Variants in EBF2 observed in about 807,000 individuals in gnomAD.
EBF2 encodes the protein EBF transcription factor 2.
EBF2 carries 21 observed loss-of-function variants against 72.8 expected under a neutral mutation model. That is an observed-to-expected ratio of 0.29 (90% CI 0.20 to 0.42). The LOEUF is 0.42. EBF2 is among the 10% of genes least tolerant of loss of function. EBF2 has a pLI of 1.00. For synonymous variants in EBF2, 299 were observed against 274.2 expected (o/e 1.09, Z -0.89); for missense variants, 637 against 731.2 (o/e 0.87, Z 1.49).
chr8:25,886,549 C>T (rs1312068514), intron 10 of EBF2, among the ~76,000 whole-genome samples: 1 of 151,964 alleles, frequency 6.6e-6, no homozygotes, highest in Non-Finnish European at 1.5e-5. Context: ...GCTGTGATCT[C>T]CCAGATCATG....
chr8:25,869,655 G>T (rs917091294), intron 10 of EBF2, among the ~76,000 whole-genome samples: 1 of 152,136 alleles, frequency 6.6e-6, no homozygotes, highest in African/African-American at 2.4e-5. Context: ...TGTTTAAGTA[G>T]AATTATTCTG....
At chr8:25,967,047 A>T (rs1804126391) in intron 6 of EBF2, among the ~76,000 whole-genome samples, 1 of 152,228 alleles carries the variant, frequency 6.6e-6, no homozygotes, top group Non-Finnish European at 1.5e-5. Context: ...GAGAGAAGGA[A>T]GCTAATGAAT....
chr8:25,866,346 T>A (rs952794619), intron 10 of EBF2, among the ~76,000 whole-genome samples: 9 of 150,130 alleles, frequency 6.0e-5, no homozygotes, highest in Non-Finnish European at 1.5e-5. Context: ...CATGGTTCAA[T>A]AAGGGTTCAA....
intron 6 of EBF2, among the ~76,000 whole-genome samples, chr8:26,016,598 C>A (rs1023975187): frequency 1.3e-5 from 2 of 152,182 alleles, no homozygotes; most frequent in African/African-American, 4.8e-5. Flanking sequence ...GGTGAGATTT[C>A]ACCTTATTTA....
chr8:25,887,545 C>T (rs929038815), intron 9 of EBF2, among the ~76,000 whole-genome samples: 11 of 151,948 alleles, frequency 7.2e-5, no homozygotes, highest in Non-Finnish European at 1.0e-4. Context: ...GCAGTGTTGT[C>T]CTTGTTTTTT....
intron 6 of EBF2, among the ~76,000 whole-genome samples, chr8:25,977,961 GC>G (rs1804295579): frequency 6.6e-6 from 1 of 152,250 alleles, no homozygotes; most frequent in South Asian, 2.1e-4. Flanking sequence ...TTTGACTTGA[GC>G]TTTACTGCAA....
chr8:25,938,099 C>T (rs78835835), intron 6 of EBF2, among the ~76,000 whole-genome samples: 2,532 of 152,118 alleles, frequency 0.017, 58 homozygotes, highest in African/African-American at 0.057. Flanking sequence ...AGGGTGGGCT[C>T]GCTGGGGTGT....
At chr8:25,896,060 T>C (rs1201896484) in intron 7 of EBF2, among the ~76,000 whole-genome samples, 1 of 152,104 alleles carries the variant, frequency 6.6e-6, no homozygotes, top group Non-Finnish European at 1.5e-5. Flanking sequence ...CTTTTTCAGC[T>C]CCTACCCAGG....
At chr8:25,947,588 C>T (rs960094038) in intron 6 of EBF2, among the ~76,000 whole-genome samples, 5 of 152,208 alleles carry the variant, frequency 3.3e-5, no homozygotes, top group Non-Finnish European at 7.4e-5. Flanking sequence ...CTTTGCTTGG[C>T]CTAGGAGTCC....
At chr8:25,858,978 C>T (rs1411632494) in intron 13 of EBF2, among the ~76,000 whole-genome samples, 2 of 151,994 alleles carry the variant, frequency 1.3e-5, no homozygotes, top group African/African-American at 2.4e-5. Context: ...CCTTTTATAC[C>T]TTTCTCTCTC....
rs1391658376 is a variant in EBF2 at position 25,945,630 on chromosome 8, CG to C, written c.552-37076del. ...CTCTTCTGCTTGGTCTGTTTGGTTTCGGGGGTACAATGAGAGCCTGTGGAAT... is the reference window on the plus strand; with the variant it reads ...CTCTTCTGCTTGGTCTGTTTGGTTTCGGGGTACAATGAGAGCCTGTGGAAT... On this transcript the variant is annotated intron_variant, in intron 6 of 15. Coordinates refer to ENST00000520164, the MANE Select transcript of EBF2 (RefSeq NM_022659.4). Among the ~76,000 whole-genome samples the C allele has an allele frequency of 9.9e-5, 15 of 151,278 alleles. No homozygotes were observed. In the East Asian group the frequency reaches 3.0e-3, roughly 30 times the overall value.
intron 6 of EBF2, among the ~76,000 whole-genome samples, chr8:25,928,221 T>C (rs1240706608): frequency 6.6e-6 from 1 of 152,146 alleles, no homozygotes. Flanking sequence ...ATGTACCCAC[T>C]CTCTTTAGAC....
chr8:25,971,956 C>T (rs1003198885), intron 6 of EBF2, among the ~76,000 whole-genome samples: 1 of 152,158 alleles, frequency 6.6e-6, no homozygotes, highest in African/African-American at 2.4e-5. Flanking sequence ...ATGGCCAGGG[C>T]GCATTGTTCC....
intron 6 of EBF2, among the ~76,000 whole-genome samples, chr8:26,014,330 A>G (rs1343532107): frequency 1.3e-5 from 2 of 152,190 alleles, no homozygotes; most frequent in African/African-American, 2.4e-5. Context: ...AATGGATCTC[A>G]CAAAGCTTCT....
chr8:25,883,267 T>G (rs985988743), intron 10 of EBF2, among the ~76,000 whole-genome samples: 2 of 152,230 alleles, frequency 1.3e-5, no homozygotes, highest in Non-Finnish European at 2.9e-5. Flanking sequence ...AATTCCTATT[T>G]CGCTTCAAAA....
chr8:25,943,976 G>T (rs1033571914), intron 6 of EBF2, among the ~76,000 whole-genome samples: 3 of 152,164 alleles, frequency 2.0e-5, no homozygotes, highest in Non-Finnish European at 2.9e-5. Flanking sequence ...GGTCCCAGTT[G>T]TGTCCCAGAC....
intron 6 of EBF2, among the ~76,000 whole-genome samples, chr8:25,986,701 G>C: frequency 6.6e-6 from 1 of 151,984 alleles, no homozygotes; most frequent in Non-Finnish European, 1.5e-5. Context: ...TTTTTAGGGG[G>C]ATGGCACAAT....
intron 6 of EBF2, among the ~76,000 whole-genome samples, chr8:25,970,041 C>T (rs539328807): frequency 6.6e-6 from 1 of 152,272 alleles, no homozygotes; most frequent in East Asian, 1.9e-4. Flanking sequence ...AAAGGGCCAC[C>T]CAGAGAAGCA....
intron 15 of EBF2, among the ~76,000 whole-genome samples, chr8:25,844,905 T>C (rs189310002): frequency 6.6e-6 from 1 of 152,348 alleles, no homozygotes; most frequent in East Asian, 1.9e-4. Context: ...TTTTGTTTTA[T>C]ATGGGTTGTA....
Sources: gnomAD v4.1 joint callset for allele counts (sites outside exome capture counted in the v4.1 genomes callset) on GRCh38, gnomAD v4.1.1 for gene constraint, MANE v1.5 for transcripts, NCBI Gene and HGNC (gene_info 2026-07-23, HGNC 2026-07-21) for gene names.